GPM6A: variants seen among roughly 807,000 people sequenced by gnomAD.
GPM6A encodes the protein neuronal membrane glycoprotein M6-a.
Under a neutral mutation model 32.1 loss-of-function variants are expected in GPM6A, and 7 were observed. The observed-to-expected ratio is 0.22, with a 90% CI of 0.12 to 0.41. GPM6A has a LOEUF of 0.41. Among genes scored for constraint, GPM6A ranks in the 10% least tolerant of loss-of-function variants. The pLI is 1.00. For missense variants in GPM6A, 235 were observed against 347.2 expected, an observed-to-expected ratio of 0.68 and a Z score of 2.57; for synonymous variants, 130 against 123.4, an observed-to-expected ratio of 1.05 and a Z score of -0.35.
In GPM6A at chr4:175,693,865, G is replaced by A. The variant is rs1744429023; in HGVS notation, c.230+7710C>T. Among the ~76,000 whole-genome samples the A allele has an allele frequency of 2.0e-5, 3 of 152,220 alleles. No homozygotes were observed. The South Asian group carries it at 6.2e-4, about 32-fold the overall frequency. The stretch of plus-strand genomic sequence containing the variant: ...GGTGGAGCCTGGTGGGAGGTGGTTG[G>A]ATCATAGGGGCAGTTTCTCATGAAT... On this transcript the variant is annotated intron_variant, in intron 2 of 6. Transcript: ENST00000393658.
intron 1 of GPM6A, among the ~76,000 whole-genome samples, chr4:175,943,531 CTTA>C (rs1165016614): frequency 2.6e-5 from 4 of 152,010 alleles, no homozygotes; most frequent in Non-Finnish European, 4.4e-5. Flanking sequence ...ATAAGTAGCT[CTTA>C]TTATTTTGAG....
At chr4:175,812,298 GGGGTTTTTTTTTTTTTTT>G (rs1579530682), upstream of GPM6A, 998 of 174,334 alleles carry the variant, frequency 5.7e-3, 57 homozygotes, top group East Asian at 0.021. Context: ...GGAAAAACTG[GGGGTTTTTTTTTTTTTTT>G]TTTTTTTTTT....
chr4:175,750,865 G>A (rs755440645), intron 1 of GPM6A, among the ~76,000 whole-genome samples: 30 of 152,228 alleles, frequency 2.0e-4, no homozygotes, highest in Non-Finnish European at 4.0e-4. Context: ...GAGTCACCAC[G>A]CTGAGGCTAT....
intron 1 of GPM6A, among the ~76,000 whole-genome samples, chr4:175,703,367 T>C (rs537382864): frequency 1.4e-3 from 209 of 152,308 alleles, no homozygotes; most frequent in African/African-American, 4.8e-3. Context: ...AGACGGGGTT[T>C]TGCCATGTTG....
At chr4:175,701,533 A>T (rs1426876769) in intron 2 of GPM6A, 42 bp downstream of exon 2, 3 of 1,421,784 alleles carry the variant, frequency 2.1e-6, no homozygotes, top group Non-Finnish European at 3.0e-6. Flanking sequence ...AGAAGTGTAA[A>T]TATATACATG....
chr4:175,879,575 G>T (rs536145465), intron 1 of GPM6A, among the ~76,000 whole-genome samples: 1 of 152,142 alleles, frequency 6.6e-6, no homozygotes, highest in South Asian at 2.1e-4. Flanking sequence ...GAACAGTATG[G>T]CGGAAACTGT....
chr4:175,694,363 T>G (rs1439208891), intron 2 of GPM6A, among the ~76,000 whole-genome samples: 1 of 152,176 alleles, frequency 6.6e-6, no homozygotes, highest in Non-Finnish European at 1.5e-5. Context: ...ACCTGTTAAA[T>G]TGTTGTGACC....
rs1056525988 is a variant in GPM6A at position 175,640,677 on chromosome 4, G to A, written c.618+76C>T. ...AAAGGGAAAAGTCAATATAGATTTA[G>A]TTTTAATACATTATCCAAATAATAA... On this transcript the variant is annotated intron_variant, in intron 5 of 6. Coordinates refer to ENST00000393658, the MANE Select transcript of GPM6A (RefSeq NM_201591.3). 5.1e-6 allele frequency: 5 copies of A among 988,660 alleles called. No homozygotes were observed. The Admixed American group carries it at 9.5e-5, about 19-fold the overall frequency. The allele number at this position is 988,660 out of a possible 1,614,324, so 61.2% of individuals were successfully genotyped here. A position where few individuals can be genotyped will look rare whatever the true frequency, so the allele number is the denominator to read the frequency against.
chr4:175,915,421 G>T (rs1185299959), intron 1 of GPM6A, among the ~76,000 whole-genome samples: 1 of 151,700 alleles, frequency 6.6e-6, no homozygotes. Flanking sequence ...TGAGTATCTG[G>T]GATTACAGGC....
chr4:175,850,369 G>T (rs927668163), intron 1 of GPM6A, among the ~76,000 whole-genome samples: 1 of 152,144 alleles, frequency 6.6e-6, no homozygotes, highest in Non-Finnish European at 1.5e-5. Flanking sequence ...GCAGACACAA[G>T]AAGTTTAGGA....
chr4:175,900,054 C>T (rs1253220915), intron 1 of GPM6A, among the ~76,000 whole-genome samples: 11 of 151,916 alleles, frequency 7.2e-5, no homozygotes, highest in East Asian at 1.9e-4. Context: ...CCGAGGCAGG[C>T]GGATCACCTG....
intron 1 of GPM6A, among the ~76,000 whole-genome samples, chr4:175,997,679 G>GA (rs893042232): frequency 2.0e-5 from 3 of 150,584 alleles, no homozygotes; most frequent in South Asian, 2.1e-4. Flanking sequence ...TAGTTTTCCT[G>GA]AAAAAAAAGG....
At chr4:175,800,095 A>T (rs1325307973) in intron 1 of GPM6A, among the ~76,000 whole-genome samples, 6 of 152,208 alleles carry the variant, frequency 3.9e-5, no homozygotes, top group Admixed American at 6.5e-5. Flanking sequence ...CAATATTTTT[A>T]AAAAGTATAT....
intron 2 of GPM6A, among the ~76,000 whole-genome samples, chr4:175,698,188 C>G (rs970711063): frequency 1.5e-4 from 23 of 152,234 alleles, no homozygotes; most frequent in African/African-American, 5.5e-4. Context: ...AGGGCTTGGG[C>G]AACTGGAACT....
At chr4:175,849,090 G>A (rs1241765367) in intron 1 of GPM6A, among the ~76,000 whole-genome samples, 2 of 152,098 alleles carry the variant, frequency 1.3e-5, no homozygotes, top group African/African-American at 4.8e-5. Context: ...AATTTGTATA[G>A]ATTTAAGAGT....
intron 1 of GPM6A, among the ~76,000 whole-genome samples, chr4:175,831,715 C>CTTT (rs780096379): frequency 0.069 from 4,818 of 69,922 alleles, 816 homozygotes; most frequent in African/African-American, 0.2. Context: ...TTAGCCATCT[C>CTTT]TTTTTTTTTT....
chr4:175,700,163 C>T (rs1387460326), intron 2 of GPM6A, among the ~76,000 whole-genome samples: 1 of 151,878 alleles, frequency 6.6e-6, no homozygotes, highest in African/African-American at 2.4e-5. Flanking sequence ...ACACCCGGCC[C>T]ACAACTCTAT....
At chr4:175,638,394 C>T (rs1740938598) in intron 6 of GPM6A, among the ~76,000 whole-genome samples, 1 of 151,688 alleles carries the variant, frequency 6.6e-6, no homozygotes, top group Non-Finnish European at 1.5e-5. Flanking sequence ...TGTGATGACT[C>T]TAGACAGAGA....
chr4:175,962,203 G>T, intron 1 of GPM6A: 1 of 1,248,540 alleles, frequency 8.0e-7, no homozygotes, highest in Non-Finnish European at 1.2e-6. Context: ...CTGGAGTATT[G>T]GAGTCAGTTC....
Sources: gnomAD v4.1 joint callset for allele counts (sites outside exome capture counted in the v4.1 genomes callset) on GRCh38, gnomAD v4.1.1 for gene constraint, MANE v1.5 for transcripts, NCBI Gene and HGNC (gene_info 2026-07-23, HGNC 2026-07-21) for gene names.